Variants in HIPK1 observed in about 807,000 individuals in gnomAD.
HIPK1 encodes homeodomain-interacting protein kinase 1.
Under a neutral mutation model 117.1 loss-of-function variants are expected in HIPK1, and 28 were observed. That is an observed-to-expected ratio of 0.24 (90% CI 0.18 to 0.33). The LOEUF (loss-of-function observed/expected upper bound fraction) is 0.33. Among genes scored for constraint, HIPK1 ranks in the 10% least tolerant of loss-of-function variants. The pLI, the probability that HIPK1 is intolerant of heterozygous loss-of-function variation, is 1.00. For missense variants in HIPK1, 1,122 were observed against 1,475.1 expected, an observed-to-expected ratio of 0.76 and a Z score of 3.92; for synonymous variants, 605 against 562.5, an observed-to-expected ratio of 1.08 and a Z score of -1.07.
At position 113,973,385 on chromosome 1, in the gene HIPK1, G is replaced by T; in HGVS notation, c.3506G>T (p.Ser1169Ile). 6.2e-7 allele frequency: 1 copy of T among 1,614,086 alleles called. No individual in the cohort carries two copies. The highest frequency in any genetic ancestry group is 8.5e-7 in the Non-Finnish European group (1 of 1,179,990). ...SVGPSLLTSASVAPAQYQHQF... is the reference protein window; with the variant it reads ...SVGPSLLTSAIVAPAQYQHQF... ...GGGCCCAGCCTCCTCACTTCTGCCA[G>T]CGTGGCCCCTGCTCAGTACCAACAC... is the stretch of plus-strand genomic sequence containing the variant. Residue 1169 changes from serine to isoleucine, a missense_variant, in exon 16 of 16, where the codon AGC (serine) becomes ATC (isoleucine). By Grantham distance (142) the Ser-to-Ile change is moderately radical. Transcript: ENST00000426820.
chr1:113,939,327 GTT>G lies in HIPK1; in HGVS notation c.-2-1041_-2-1040del, dbSNP rs71090749. Among the ~76,000 whole-genome samples, 552 of 145,774 alleles carry G rather than the reference GTT, an allele frequency of 3.8e-3. 4 individuals carry two copies. The highest frequency in any genetic ancestry group is 6.9e-3 in the Non-Finnish European group (456 of 66,104). ...CCATGCCTGGCTAACTTTTTTTTCT[GTT>G]TTTTTTTTTTTTTGTTGTTGTTGTT... is the stretch of plus-strand genomic sequence containing the variant. On this transcript the variant is annotated intron_variant, in intron 1 of 15. Coordinates refer to ENST00000426820, the MANE Select transcript of HIPK1 (RefSeq NM_198268.3).
Position 113,941,285 on chromosome 1 carries a change from C to T in HIPK1, c.902C>T (p.Thr301Ile). 1 of 1,614,240 alleles carries T rather than the reference C, an allele frequency of 6.2e-7. No individual in the cohort carries two copies. The highest frequency in any genetic ancestry group is 1.1e-5 in the South Asian group (1 of 91,092). The change falls in exon 2 of 16, where the codon ACA (threonine) becomes ATA (isoleucine). Residue 301 changes from threonine (T) to isoleucine (I), a missense_variant. This residue lies in a region of HIPK1 where 62 missense variants were observed against 121.5 expected (regional missense o/e 0.51). Transcript: ENST00000426820. The surrounding 1 kb of genome is among the most constrained non-coding windows in gnomAD (Gnocchi z 4.9). ...AGACCAATCTTGCAGCAGGTGGCCA[C>T]AGCCTTGATGAAGCTCAAGAGTCTT... ...YIRPILQQVA[T>I]ALMKLKSLGL...
chr1:113,949,755 C>T (rs1185477286), intron 2 of HIPK1, among the ~76,000 whole-genome samples: 7 of 152,126 alleles, frequency 4.6e-5, no homozygotes, highest in Non-Finnish European at 8.8e-5. Context: ...CCCGCCACCA[C>T]ACCTGGCTGA....
At position 113,934,784 on chromosome 1, in the gene HIPK1, G is replaced by GAA. The variant is rs564619583; in HGVS notation, c.-3+5277_-3+5278dup. 8.3e-4 allele frequency among the ~76,000 whole-genome samples: 43 copies of GAA among 51,534 alleles called. 1 individual carries two copies. Among genetic ancestry groups the GAA allele is most frequent in the East Asian group, 4.1e-3 (7 of 1,688 alleles). 33.8% of individuals were successfully genotyped at this position (51,534 alleles called of 152,430 possible). ...GGTGACATAGTAAGACCTCATCTCT[G>GAA]AAAAAAAAAAAAAAAAAAAAAAAAA... On this transcript the variant is annotated intron_variant, in intron 1 of 15. Transcript: ENST00000426820.
chr1:113,960,763 ATT>A, intron 8 of HIPK1, among the ~76,000 whole-genome samples: 1 of 152,304 alleles, frequency 6.6e-6, no homozygotes, highest in South Asian at 2.1e-4. Flanking sequence ...AAAAAAAGAT[ATT>A]GTTAGTGTTT....
intron 2 of HIPK1, among the ~76,000 whole-genome samples, chr1:113,945,954 GTAA>G (rs1670961885): frequency 6.6e-6 from 1 of 152,126 alleles, no homozygotes; most frequent in Non-Finnish European, 1.5e-5. Flanking sequence ...CAGCTTAATA[GTAA>G]GTCAGTCCAT....
intron 12 of HIPK1, 103 bp downstream of exon 12, chr1:113,968,051 G>A: frequency 3.0e-6 from 3 of 984,832 alleles, no homozygotes; most frequent in East Asian, 2.6e-5. Flanking sequence ...ATATGAAGCA[G>A]CAAGTAGCTG....
chr1:113,932,856 C>T (rs1669989392), intron 1 of HIPK1, among the ~76,000 whole-genome samples: 1 of 152,218 alleles, frequency 6.6e-6, no homozygotes. Flanking sequence ...TAGCAAAAGT[C>T]ATCTCATTCT....
At chr1:113,968,952 G>A (rs1416292459) in intron 13 of HIPK1, among the ~76,000 whole-genome samples, 1 of 152,096 alleles carries the variant, frequency 6.6e-6, no homozygotes, top group Non-Finnish European at 1.5e-5. Flanking sequence ...CCCAGGAGGC[G>A]GAGGTTACAG....
At position 113,974,030 on chromosome 1, in the gene HIPK1, G is replaced by A. The variant is rs1013914699; in HGVS notation, c.*518G>A. On this transcript the variant is annotated 3_prime_UTR_variant, in exon 16 of 16. Transcript: ENST00000426820. ...GACTTGCCTATTTTATTTTAAAAGCGGCTTACACAATCTCCCTTTTGTTTA... is the reference window on the plus strand; with the variant it reads ...GACTTGCCTATTTTATTTTAAAAGCAGCTTACACAATCTCCCTTTTGTTTA... 1 of 152,360 alleles carries A rather than the reference G, an allele frequency of 6.6e-6. No homozygotes were observed. The highest frequency in any genetic ancestry group is 1.5e-5 in the Non-Finnish European group (1 of 68,092). 9.4% of individuals were successfully genotyped at this position (152,360 alleles called of 1,614,324 possible). A position where few individuals can be genotyped will look rare whatever the true frequency, so the allele number is the denominator to read the frequency against.
chr1:113,966,245 G>A lies in HIPK1; in HGVS notation c.2354G>A (p.Gly785Glu), dbSNP rs201308186. The change falls in exon 11 of 16, where the codon GGG becomes GAG. Residue 785 changes from glycine (G) to glutamate (E), a missense_variant. Physicochemically the swap from Gly to Glu is moderately conservative, Grantham distance 98. This residue lies in a region of HIPK1 where 731 missense variants were observed against 860.4 expected (regional missense o/e 0.85). Coordinates refer to ENST00000426820, the MANE Select transcript of HIPK1 (RefSeq NM_198268.3). ...ACAGCAATGATTCCAGAGGCCATGGGGAGTGGACAGCAGCTAGCTGACTGG... is the reference window on the plus strand; with the variant it reads ...ACAGCAATGATTCCAGAGGCCATGGAGAGTGGACAGCAGCTAGCTGACTGG... ...QPTAMIPEAM[G>E]SGQQLADWRN... is the part of the protein sequence containing the mutation. 3.5e-5 allele frequency: 57 copies of A among 1,613,660 alleles called. No individual in the cohort carries two copies. Among genetic ancestry groups the A allele is most frequent in the Admixed American group, 5.0e-5 (3 of 59,948 alleles).
At chr1:113,946,514 TTAGCTTTC>T (rs1160063930) in intron 2 of HIPK1, among the ~76,000 whole-genome samples, 3 of 152,280 alleles carry the variant, frequency 2.0e-5, no homozygotes, top group Non-Finnish European at 4.4e-5. Flanking sequence ...ATTTGGCTGC[TTAGCTTTC>T]TGTAATGTGT....
intron 1 of HIPK1, among the ~76,000 whole-genome samples, chr1:113,937,061 A>T (rs1365455488): frequency 2.0e-5 from 3 of 152,154 alleles, no homozygotes; most frequent in African/African-American, 7.2e-5. Flanking sequence ...TTCTTTTATT[A>T]TATTTGGTAT....
chr1:113,969,086 G>C (rs1008103960), intron 13 of HIPK1, among the ~76,000 whole-genome samples: 28 of 152,320 alleles, frequency 1.8e-4, no homozygotes, highest in African/African-American at 4.8e-4. Context: ...CTTCGATGGG[G>C]CTTTTGGTGT....
chr1:113,973,468 T>C lies in HIPK1; in HGVS notation c.3589T>C (p.Tyr1197His). 6.2e-7 allele frequency: 1 copy of C among 1,611,538 alleles called. No homozygotes were observed. The highest frequency in any genetic ancestry group is 8.5e-7 in the Non-Finnish European group (1 of 1,178,408). The change falls in exon 16 of 16, where the codon TAC (tyrosine) becomes CAC (histidine). Residue 1197 changes from tyrosine (Y) to histidine (H), a missense_variant. Coordinates refer to ENST00000426820, the MANE Select transcript of HIPK1 (RefSeq NM_198268.3). The stretch of plus-strand genomic sequence containing the variant: ...CCGAGGCTCAACAATTTACACTGGA[T>C]ACCCGCTGAGTCCTACCAAGATCAG... ...SSRGSTIYTG[Y>H]PLSPTKISQY...
intron 1 of HIPK1, among the ~76,000 whole-genome samples, chr1:113,938,245 C>T (rs569726743): frequency 5.3e-5 from 8 of 151,206 alleles, no homozygotes; most frequent in African/African-American, 1.9e-4. Flanking sequence ...GCCAGGATTA[C>T]AGGCGTGAGC....
rs1031235360 is a variant in HIPK1 at position 113,977,409 on chromosome 1, T to G, written c.*3897T>G. ...GTATTTCTGCTTTGAATCCTTGATA[T>G]TGCAATGGAATTCCTACTTTATTAA... On this transcript the variant is annotated 3_prime_UTR_variant, in exon 16 of 16. Coordinates refer to ENST00000426820, the MANE Select transcript of HIPK1 (RefSeq NM_198268.3). The G allele has an allele frequency of 6.5e-6, 1 of 152,798 alleles. No homozygotes were observed. The highest frequency in any genetic ancestry group is 2.4e-5 in the African/African-American group (1 of 41,460). The allele number at this position is 152,798 out of a possible 1,614,324, so 9.5% of individuals were successfully genotyped here.
chr1:113,950,609 TTCTCTTG>T (rs1671290471), intron 2 of HIPK1, among the ~76,000 whole-genome samples: 1 of 152,106 alleles, frequency 6.6e-6, no homozygotes, highest in South Asian at 2.1e-4. Flanking sequence ...GTTTAAGTAA[TTCTCTTG>T]CCTCAGCCTC....
chr1:113,945,096 G>C lies in HIPK1; in HGVS notation c.1076+3637G>C, dbSNP rs375123364. ...ACTCATAGGCTCAAGTGATATGCCC[G>C]CCTCGGCAACCCAAAGTGCTGGGAT... On this transcript the variant is annotated intron_variant, in intron 2 of 15. Transcript: ENST00000426820. Among the ~76,000 whole-genome samples the C allele has an allele frequency of 2.7e-5, 4 of 150,772 alleles. No individual in the cohort carries two copies. The East Asian group carries it at 6.1e-4, about 23-fold the overall frequency.
Sources: allele counts gnomAD v4.1 joint callset (sites outside exome capture counted in the v4.1 genomes callset), GRCh38; gene constraint gnomAD v4.1.1; regional missense constraint gnomAD v4.1.1; non-coding constraint Gnocchi (gnomAD v3.1); transcripts MANE v1.5; gene names NCBI Gene and HGNC (gene_info 2026-07-23, HGNC 2026-07-21).